Variants in SLC25A17 observed in about 807,000 individuals in gnomAD.
SLC25A17 encodes peroxisomal membrane protein PMP34.
Under a neutral mutation model 38.5 loss-of-function variants are expected in SLC25A17, and 26 were observed. That is an observed-to-expected ratio of 0.68 (90% CI 0.50 to 0.94). SLC25A17 has a LOEUF of 0.94. SLC25A17 is among the 40% of genes least tolerant of loss of function. SLC25A17 has a pLI of 0.00. For missense variants in SLC25A17, 333 were observed against 372.7 expected, an observed-to-expected ratio of 0.89 and a Z score of 0.88; for synonymous variants, 139 against 136.2, an observed-to-expected ratio of 1.02 and a Z score of -0.14.
Position 40,777,336 on chromosome 22 carries a change from C to T in SLC25A17, c.489G>A (p.Ser163=), listed in dbSNP as rs1319748016. The T allele has an allele frequency of 9.9e-6, 16 of 1,614,036 alleles. No individual in the cohort carries two copies. Among genetic ancestry groups the T allele is most frequent in the East Asian group, 2.2e-5 (1 of 44,882 alleles). ...FHQIIRDEGI[S]ALWNGTFPSL... ...AGGGAAATGTGCCATTCCATAAAGCCGAGATTCCTTCATCGCGAATGATCT... is the reference window on the plus strand; with the variant it reads ...AGGGAAATGTGCCATTCCATAAAGCTGAGATTCCTTCATCGCGAATGATCT... Residue 163 remains serine (S), a synonymous_variant, in exon 6 of 9, where the codon TCG becomes TCA. Coordinates refer to ENST00000435456, the MANE Select transcript of SLC25A17 (RefSeq NM_006358.4).
chr22:40,798,170 T>C (rs1367625250), intron 2 of SLC25A17: 3 of 152,288 alleles, frequency 2.0e-5, no homozygotes, highest in Non-Finnish European at 2.9e-5. Context: ...AATACACCTG[T>C]TCTGGAAATT....
chr22:40,792,606 T>C lies in SLC25A17; in HGVS notation c.253A>G (p.Thr85Ala), dbSNP rs756371950. The C allele has an allele frequency of 6.2e-7, 1 of 1,613,926 alleles. No individual in the cohort carries two copies. The highest frequency in any genetic ancestry group is 1.1e-5 in the South Asian group (1 of 91,080). ...LCCSNFVYFY[T>A]FNSLKALWVK... ...CAGAGTGCTTTGAGGCTATTAAAAG[T>C]GTAGAAATAGACAAAATTGGAGCAG... is the stretch of plus-strand genomic sequence containing the variant. The change falls in exon 4 of 9, where the codon ACT becomes GCT. Residue 85 changes from threonine (T) to alanine (A), a missense_variant. By Grantham distance (58) the Thr-to-Ala change is moderately conservative. Transcript: ENST00000435456.
Position 40,779,202 on chromosome 22 carries a change from C to T in SLC25A17, c.335-77G>A, listed in dbSNP as rs1602591457. 4 of 1,606,920 alleles carry T rather than the reference C, an allele frequency of 2.5e-6. No individual in the cohort carries two copies. The African/African-American group carries it at 5.4e-5, about 22-fold the overall frequency. ...AGCTTTGCTGCTTTAAAGCTACATA[C>T]CAATATTCCATTTATATCTCTGTCA... On this transcript the variant is annotated intron_variant, in intron 4 of 8. Transcript: ENST00000435456.
intron 1 of SLC25A17, among the ~76,000 whole-genome samples, chr22:40,813,370 T>G (rs573516180): frequency 1.3e-5 from 2 of 152,176 alleles, no homozygotes; most frequent in East Asian, 3.9e-4. Context: ...AGACCTCATC[T>G]CTACTAAAAA....
chr22:40,807,805 G>A (rs1941913602), intron 1 of SLC25A17, among the ~76,000 whole-genome samples: 1 of 152,094 alleles, frequency 6.6e-6, no homozygotes, highest in African/African-American at 2.4e-5. Flanking sequence ...TTGGAACACA[G>A]CATTCTATAC....
In SLC25A17 at chr22:40,778,468, T is replaced by TCAG. The variant is rs536098254; in HGVS notation, c.451+538_451+540dup. Among the ~76,000 whole-genome samples the TCAG allele has an allele frequency of 4.5e-4, 68 of 152,320 alleles. No homozygotes were observed. The South Asian group carries it at 0.013, about 30-fold the overall frequency. ...GTGAACTGAGACTGTCAGGCTACGGTCAGCCTAGATGAGCCAAATCCACGT... is the reference window on the plus strand; with the variant it reads ...GTGAACTGAGACTGTCAGGCTACGGTCAGCAGCCTAGATGAGCCAAATCCACGT... On this transcript the variant is annotated intron_variant, in intron 5 of 8. Coordinates refer to ENST00000435456, the MANE Select transcript of SLC25A17 (RefSeq NM_006358.4).
intron 7 of SLC25A17, chr22:40,776,155 C>T: frequency 9.8e-6 from 3 of 305,290 alleles, no homozygotes; most frequent in Admixed American, 9.9e-5. Flanking sequence ...GTTCTTTTTT[C>T]AATTTGTAAT....
intron 1 of SLC25A17, among the ~76,000 whole-genome samples, chr22:40,803,952 GT>G (rs1436065426): frequency 6.6e-6 from 1 of 151,598 alleles, no homozygotes; most frequent in African/African-American, 2.4e-5. Flanking sequence ...TTCTCTGAAT[GT>G]TTCATTTCCC....
rs774095617 is a variant in SLC25A17, at chr22:40,794,547, A to G, written c.149T>C (p.Met50Thr). The change falls in exon 3 of 9, where the codon ATG becomes ACG. Residue 50 changes from methionine (M) to threonine (T), a missense_variant. By Grantham distance (81) the Met-to-Thr change is moderately conservative. Coordinates refer to ENST00000435456, the MANE Select transcript of SLC25A17 (RefSeq NM_006358.4). ...TTCTTTAATGATCTCCAGGAGCACCATGTGTGTAGTTTTGGATTTTCTTTT... is the reference window on the plus strand; with the variant it reads ...TTCTTTAATGATCTCCAGGAGCACCGTGTGTGTAGTTTTGGATTTTCTTTT... ...DEKRKSKTTH[M>T]VLLEIIKEEG... 40 of 1,611,766 alleles carry G rather than the reference A, an allele frequency of 2.5e-5. No individual in the cohort carries two copies. The highest frequency in any genetic ancestry group is 1.7e-4 in the Admixed American group (10 of 59,976).
At chr22:40,815,474 A>C (rs1426846241) in intron 1 of SLC25A17, among the ~76,000 whole-genome samples, 3 of 152,270 alleles carry the variant, frequency 2.0e-5, no homozygotes, top group African/African-American at 4.8e-5. Flanking sequence ...TATTTTATCT[A>C]GAGAGTAAAA....
intron 1 of SLC25A17, among the ~76,000 whole-genome samples, chr22:40,813,100 C>A (rs968098645): frequency 2.6e-5 from 4 of 152,124 alleles, no homozygotes; most frequent in African/African-American, 4.8e-5. Flanking sequence ...ATGACACTCT[C>A]GAGTGTTTAG....
intron 1 of SLC25A17, among the ~76,000 whole-genome samples, chr22:40,813,336 G>A (rs1301341814): frequency 6.6e-6 from 1 of 152,000 alleles, no homozygotes; most frequent in Non-Finnish European, 1.5e-5. Flanking sequence ...TCAGGAGTTC[G>A]AGACCAGCCT....
intron 1 of SLC25A17, among the ~76,000 whole-genome samples, chr22:40,808,654 T>C (rs1338514000): frequency 6.6e-6 from 1 of 152,248 alleles, no homozygotes; most frequent in East Asian, 1.9e-4. Flanking sequence ...ACAATGTTTT[T>C]ATAAAGAAGC....
chr22:40,796,828 G>A (rs889089622), intron 2 of SLC25A17, among the ~76,000 whole-genome samples: 2 of 152,136 alleles, frequency 1.3e-5, no homozygotes, highest in Non-Finnish European at 2.9e-5. Flanking sequence ...GGTGATACAG[G>A]TTATGGTGCA....
chr22:40,814,360 A>T (rs1375407345), intron 1 of SLC25A17, among the ~76,000 whole-genome samples: 1 of 152,192 alleles, frequency 6.6e-6, no homozygotes, highest in Admixed American at 6.5e-5. Context: ...ATACTTGTCT[A>T]TATCACTCTC....
intron 1 of SLC25A17, among the ~76,000 whole-genome samples, chr22:40,809,387 G>A (rs2057557604): frequency 1.3e-5 from 2 of 151,852 alleles, no homozygotes; most frequent in African/African-American, 4.8e-5. Context: ...GGCCGAGGTG[G>A]GCGGATTGCT....
At position 40,779,031 on chromosome 22, in the gene SLC25A17, T is replaced by C. The variant is rs2057271875; in HGVS notation, c.429A>G (p.Pro143=). 4 of 1,613,892 alleles carry C rather than the reference T, an allele frequency of 2.5e-6. No individual in the cohort carries two copies. Among genetic ancestry groups the C allele is most frequent in the African/African-American group, 1.3e-5 (1 of 74,938 alleles). ...TACCAATGATACCTTTGTAGTTTGT[T>C]GGTACAATGTCTTCATTCCTAAATT... ...GAKFRNEDIV[P]TNYKGIIDAF... is the part of the protein sequence containing the mutation. The change falls in exon 5 of 9, where the codon CCA becomes CCG. Residue 143 remains proline (P), a synonymous_variant. Transcript: ENST00000435456.
intron 1 of SLC25A17, among the ~76,000 whole-genome samples, chr22:40,799,402 T>A (rs1214216305): frequency 2.7e-5 from 4 of 150,168 alleles, no homozygotes; most frequent in Non-Finnish European, 5.9e-5. Flanking sequence ...CTTGTTCTGT[T>A]GCCCAGGCTA....
intron 1 of SLC25A17, chr22:40,813,885 C>T (rs565296470): frequency 1.3e-5 from 2 of 152,608 alleles, no homozygotes; most frequent in African/African-American, 4.8e-5. Context: ...AATGTCTTCT[C>T]AAGTTCCTTC....
Sources: allele counts gnomAD v4.1 joint callset (sites outside exome capture counted in the v4.1 genomes callset), GRCh38; gene constraint gnomAD v4.1.1; transcripts MANE v1.5; gene names NCBI Gene and HGNC (gene_info 2026-07-23, HGNC 2026-07-21).